The following CBFB variants were observed in gnomAD, a reference collection of about 807,000 sequenced individuals.
The protein encoded by CBFB is CBF-beta.
A neutral mutation model predicts 30.4 loss-of-function variants in CBFB; 9 were observed. The ratio of observed to expected loss-of-function variants is 0.30; its 90% CI spans 0.18 to 0.52. The LOEUF (loss-of-function observed/expected upper bound fraction) is 0.52, where lower values mean the gene tolerates loss of function less well. CBFB is among the 20% of genes least tolerant of loss of function. The pLI is 0.97. For synonymous variants in CBFB, 94 were observed against 84.0 expected, an observed-to-expected ratio of 1.12 and a Z score of -0.65; for missense variants, 170 against 244.0, an observed-to-expected ratio of 0.70 and a Z score of 2.02.
rs1329037777 is a variant in CBFB at position 67,029,251 on chromosome 16, C to T, written c.-157C>T. The T allele has an allele frequency of 7.6e-6, 3 of 394,910 alleles. No individual in the cohort carries two copies. The highest frequency in any genetic ancestry group is 9.8e-5 in the East Asian group (2 of 20,432). 24.5% of individuals were successfully genotyped at this position (394,910 alleles called of 1,614,324 possible). ...GAGCGGGCGGCGGCGCCTCAGACTC[C>T]CCGGAACGGGAGCCCACGCGGGCGG... On this transcript the variant is annotated 5_prime_UTR_variant, in exon 1 of 6. Coordinates refer to ENST00000412916, the MANE Select transcript of CBFB (RefSeq NM_022845.3).
chr16:67,078,512 C>T (rs570989493), intron 4 of CBFB, among the ~76,000 whole-genome samples: 3 of 152,252 alleles, frequency 2.0e-5, no homozygotes, highest in African/African-American at 7.2e-5. Flanking sequence ...CACCACTGCA[C>T]TCCAGCCTGG....
intron 4 of CBFB, among the ~76,000 whole-genome samples, chr16:67,070,972 T>G (rs1254779403): frequency 6.6e-6 from 1 of 152,146 alleles, no homozygotes; most frequent in Non-Finnish European, 1.5e-5. Context: ...TTGAACTATA[T>G]CACTACAAAT....
intron 3 of CBFB, among the ~76,000 whole-genome samples, chr16:67,055,361 T>C (rs73591296): frequency 3.6e-4 from 40 of 112,418 alleles, no homozygotes; most frequent in African/African-American, 1.7e-3. Flanking sequence ...CACTTTCTTT[T>C]TTTTTTTTTT....
intron 2 of CBFB, among the ~76,000 whole-genome samples, chr16:67,031,423 G>A (rs1012281353): frequency 3.9e-5 from 6 of 152,234 alleles, no homozygotes; most frequent in Non-Finnish European, 8.8e-5. Flanking sequence ...CTTTTGCAAA[G>A]GGAAGGTGGT....
chr16:67,032,260 G>A (rs1300224540), intron 2 of CBFB, among the ~76,000 whole-genome samples: 1 of 152,160 alleles, frequency 6.6e-6, no homozygotes, highest in Non-Finnish European at 1.5e-5. Context: ...GGGAGGTCGA[G>A]GCTGCAGTTA....
chr16:67,029,289 A>G lies in CBFB; in HGVS notation c.-119A>G. The stretch of plus-strand genomic sequence containing the variant: ...CCCACGCGGGCGGGCGCCTGAAACA[A>G]AGGGAAGCGGGCGTCCGGGCGCCGC... On this transcript the variant is annotated 5_prime_UTR_variant, in exon 1 of 6. Transcript: ENST00000412916. The G allele has an allele frequency of 1.7e-6, 1 of 588,022 alleles. No individual in the cohort carries two copies. The highest frequency in any genetic ancestry group is 2.5e-6 in the Non-Finnish European group (1 of 401,096). The allele number at this position is 588,022 out of a possible 1,614,324, so 36.4% of individuals were successfully genotyped here.
intron 5 of CBFB, among the ~76,000 whole-genome samples, chr16:67,082,539 A>T (rs963890350): frequency 6.6e-6 from 1 of 152,200 alleles, no homozygotes; most frequent in Non-Finnish European, 1.5e-5. Context: ...CATAAAAATC[A>T]TTTACTATAA....
At chr16:67,080,594 G>C (rs1460166078) in intron 4 of CBFB, among the ~76,000 whole-genome samples, 1 of 152,172 alleles carries the variant, frequency 6.6e-6, no homozygotes, top group Non-Finnish European at 1.5e-5. Flanking sequence ...TTCAGGTGCA[G>C]ATCTTTAGCC....
chr16:67,032,444 G>A (rs940286791), intron 2 of CBFB, among the ~76,000 whole-genome samples: 1 of 152,194 alleles, frequency 6.6e-6, no homozygotes, highest in African/African-American at 2.4e-5. Context: ...GACGGCTCAT[G>A]TCTTATTTTG....
intron 4 of CBFB, among the ~76,000 whole-genome samples, chr16:67,075,480 G>C (rs1203845672): frequency 1.3e-5 from 2 of 152,002 alleles, no homozygotes; most frequent in Non-Finnish European, 2.9e-5. Context: ...GCAGCAGTTG[G>C]TGTGTTGGTT....
At chr16:67,047,788 G>A (rs1371399471) in intron 3 of CBFB, among the ~76,000 whole-genome samples, 2 of 152,002 alleles carry the variant, frequency 1.3e-5, no homozygotes, top group African/African-American at 2.4e-5. Context: ...TTTTTACTGG[G>A]TCAGGTGCCG....
At chr16:67,078,757 CT>C (rs1241030385) in intron 4 of CBFB, among the ~76,000 whole-genome samples, 1 of 152,176 alleles carries the variant, frequency 6.6e-6, no homozygotes, top group East Asian at 1.9e-4. Flanking sequence ...TCAAGTGATT[CT>C]TCTGCCTCAG....
chr16:67,088,266 T>A (rs371017607), intron 5 of CBFB, among the ~76,000 whole-genome samples: 1 of 152,162 alleles, frequency 6.6e-6, no homozygotes, highest in African/African-American at 2.4e-5. Context: ...CATAAAAAAT[T>A]CCTAATGTCA....
At chr16:67,041,492 T>A (rs1966529467) in intron 3 of CBFB, among the ~76,000 whole-genome samples, 1 of 152,040 alleles carries the variant, frequency 6.6e-6, no homozygotes, top group South Asian at 2.1e-4. Context: ...AGAATGACTC[T>A]AACTTAGGCT....
rs1962200224 is a variant in CBFB, at chr16:67,100,859, T to G, written c.*2081T>G. On this transcript the variant is annotated 3_prime_UTR_variant, in exon 6 of 6. Coordinates refer to ENST00000412916, the MANE Select transcript of CBFB (RefSeq NM_022845.3). ...CTCCAGTAGTACAGGCTTTGAAAAC[T>G]ACTTCTATTAAGTTATTGATGCAAT... 4.9e-6 allele frequency: 1 copy of G among 204,768 alleles called. No individual in the cohort carries two copies. Among genetic ancestry groups the G allele is most frequent in the Admixed American group, 6.0e-5 (1 of 16,778 alleles). The allele number at this position is 204,768 out of a possible 1,614,324, so 12.7% of individuals were successfully genotyped here.
At chr16:67,082,143 A>AC (rs1961575881) in intron 4 of CBFB, 70 bp from the exon 5 acceptor site, 1 of 1,327,826 alleles carries the variant, frequency 7.5e-7, no homozygotes, top group African/African-American at 1.5e-5. Flanking sequence ...AAAAAAAAAA[A>AC]AACAAAACCC....
chr16:67,069,698 C>T (rs977256101), intron 4 of CBFB, among the ~76,000 whole-genome samples: 1 of 152,104 alleles, frequency 6.6e-6, no homozygotes, highest in African/African-American at 2.4e-5. Flanking sequence ...TGTTGAGAGA[C>T]AAGGAATCAT....
At chr16:67,078,359 G>A (rs763171356) in intron 4 of CBFB, among the ~76,000 whole-genome samples, 25 of 152,036 alleles carry the variant, frequency 1.6e-4, no homozygotes, top group Non-Finnish European at 3.2e-4. Flanking sequence ...ACCAGTCTGG[G>A]CAACACAGCG....
At chr16:67,093,511 G>C (rs1961960099) in intron 5 of CBFB, 1 of 151,736 alleles carries the variant, frequency 6.6e-6, no homozygotes, top group Non-Finnish European at 1.5e-5. Context: ...CAAGCTGCTG[G>C]TGTGTGTTCT....
Sources: gnomAD v4.1 joint callset for allele counts (sites outside exome capture counted in the v4.1 genomes callset) on GRCh38, gnomAD v4.1.1 for gene constraint, MANE v1.5 for transcripts, NCBI Gene and HGNC (gene_info 2026-07-23, HGNC 2026-07-21) for gene names.